The following ALDH1A1 variants were observed in gnomAD, a reference collection of about 807,000 sequenced individuals.
ALDH1A1 encodes the protein aldehyde dehydrogenase 1 family member A1.
ALDH1A1 carries 19 observed loss-of-function variants against 62.1 expected under a neutral mutation model. The ratio of observed to expected loss-of-function variants is 0.31; its 90% CI spans 0.21 to 0.45. ALDH1A1 has a LOEUF of 0.45. Ranked by LOEUF, ALDH1A1 falls within the 20% of genes least tolerant of loss-of-function variation. The pLI is 1.00. For missense variants in ALDH1A1, 521 were observed against 607.1 expected (o/e 0.86, Z 1.49); for synonymous variants, 231 against 215.9 (o/e 1.07, Z -0.61).
chr9:72,940,350 A>AATG, intron 1 of ALDH1A1, 98 bp from the exon 2 acceptor site: 1 of 816,814 alleles, frequency 1.2e-6, no homozygotes, highest in Non-Finnish European at 2.1e-6. Flanking sequence ...ACCATGCCTA[A>AATG]ATGATGCACA....
At chr9:72,925,016 A>C (rs965375227) in intron 6 of ALDH1A1, among the ~76,000 whole-genome samples, 1 of 152,240 alleles carries the variant, frequency 6.6e-6, no homozygotes. Context: ...TCCACTCATG[A>C]GTAGATTGAA....
At chr9:72,907,192 T>C (rs1829887836) in intron 11 of ALDH1A1, among the ~76,000 whole-genome samples, 1 of 152,214 alleles carries the variant, frequency 6.6e-6, no homozygotes, top group South Asian at 2.1e-4. Flanking sequence ...GGATAATTCC[T>C]TTAATAAATT....
At chr9:72,928,766 T>C (rs1830243080) in intron 4 of ALDH1A1, 126 bp downstream of exon 4, 1 of 1,108,934 alleles carries the variant, frequency 9.0e-7, no homozygotes, top group African/African-American at 1.6e-5. Context: ...TGTCTCAAAG[T>C]CAAGAGGAAA....
rs1830560615 is a variant in ALDH1A1, at chr9:72,953,015, C to CT, written c.-16dup. 6.2e-7 allele frequency: 1 copy of CT among 1,613,028 alleles called. No homozygotes were observed. The highest frequency in any genetic ancestry group is 1.7e-4 in the Middle Eastern group (1 of 6,054). ...GAGGATGACATTTCTGATTCGGCTC[C>CT]TGGAACACAGGTGACTGGCTCAGCA... On this transcript the variant is annotated 5_prime_UTR_variant, in exon 1 of 13. Coordinates refer to ENST00000297785, the MANE Select transcript of ALDH1A1 (RefSeq NM_000689.5).
intron 6 of ALDH1A1, 49 bp downstream of exon 6, chr9:72,925,435 A>G (rs1004892060): frequency 6.3e-7 from 1 of 1,598,278 alleles, no homozygotes; most frequent in African/African-American, 1.3e-5. Flanking sequence ...TCCTATTGTA[A>G]TTTAGGATTC....
intron 1 of ALDH1A1, among the ~76,000 whole-genome samples, chr9:72,944,343 A>G (rs942705431): frequency 6.6e-6 from 1 of 152,068 alleles, no homozygotes; most frequent in African/African-American, 2.4e-5. Context: ...CCACAAACAG[A>G]GGCGTTTCAG....
chr9:72,949,518 T>C (rs1462815948), intron 1 of ALDH1A1, among the ~76,000 whole-genome samples: 1 of 151,804 alleles, frequency 6.6e-6, no homozygotes, highest in Non-Finnish European at 1.5e-5. Flanking sequence ...TGTTCCTCAG[T>C]TCCCTGAACT....
chr9:72,942,251 T>C, intron 1 of ALDH1A1: 1 of 965,084 alleles, frequency 1.0e-6, no homozygotes, highest in Non-Finnish European at 1.2e-6. Flanking sequence ...TACAGCTTAG[T>C]ATTTTTCTTC....
chr9:72,922,317 G>A (rs1564630802), intron 7 of ALDH1A1, among the ~76,000 whole-genome samples: 4 of 152,182 alleles, frequency 2.6e-5, no homozygotes. Context: ...GAGGGGTAGA[G>A]TCAGAATTTA....
At chr9:72,918,320 A>C (rs2118512934) in intron 8 of ALDH1A1, among the ~76,000 whole-genome samples, 1 of 152,276 alleles carries the variant, frequency 6.6e-6, no homozygotes, top group Admixed American at 6.5e-5. Context: ...GTGAAGGGAG[A>C]GGGCAAATGT....
intron 1 of ALDH1A1, among the ~76,000 whole-genome samples, chr9:72,951,320 G>T (rs765741818): frequency 6.6e-6 from 1 of 151,758 alleles, no homozygotes; most frequent in Non-Finnish European, 1.5e-5. Flanking sequence ...CATCTCATTT[G>T]TCTAGTACCG....
chr9:72,944,143 A>G (rs1421423073), intron 1 of ALDH1A1, among the ~76,000 whole-genome samples: 3 of 152,054 alleles, frequency 2.0e-5, no homozygotes, highest in African/African-American at 7.2e-5. Flanking sequence ...ATAAAAAGGG[A>G]GAGAGACCAG....
chr9:72,923,965 T>G, intron 7 of ALDH1A1, 54 bp downstream of exon 7: 1 of 1,229,460 alleles, frequency 8.1e-7, no homozygotes, highest in Non-Finnish European at 1.2e-6. Flanking sequence ...AAAACATACT[T>G]CATAGCTGGC....
chr9:72,920,509 G>T (rs1195327914), intron 7 of ALDH1A1, among the ~76,000 whole-genome samples: 1 of 152,072 alleles, frequency 6.6e-6, no homozygotes, highest in Non-Finnish European at 1.5e-5. Flanking sequence ...TAGGTTTACG[G>T]AAGTAACTCC....
chr9:72,951,694 T>G (rs1198892762), intron 1 of ALDH1A1, among the ~76,000 whole-genome samples: 2 of 151,968 alleles, frequency 1.3e-5, no homozygotes, highest in Admixed American at 1.3e-4. Flanking sequence ...CTTTGCCAAA[T>G]GTAAATTGTT....
chr9:72,953,045 G>C lies in ALDH1A1; in HGVS notation c.-45C>G. ...ACACAGGTGACTGGCTCAGCAATTT[G>C]GTTCTGATAGAGCACTTGGCTTTAT... On this transcript the variant is annotated 5_prime_UTR_variant, in exon 1 of 13. Coordinates refer to ENST00000297785, the MANE Select transcript of ALDH1A1 (RefSeq NM_000689.5). The C allele has an allele frequency of 6.2e-7, 1 of 1,612,496 alleles. No individual in the cohort carries two copies. Among genetic ancestry groups the C allele is most frequent in the Non-Finnish European group, 8.5e-7 (1 of 1,178,962 alleles).
At chr9:72,923,465 C>T (rs1021366708) in intron 7 of ALDH1A1, among the ~76,000 whole-genome samples, 1 of 152,112 alleles carries the variant, frequency 6.6e-6, no homozygotes, top group Non-Finnish European at 1.5e-5. Context: ...CTAGTCTGCT[C>T]TCCCTCCTGC....
Position 72,924,055 on chromosome 9 carries a change from C to T in ALDH1A1, c.711G>A (p.Met237Ile). The change falls in exon 7 of 13, where the codon ATG becomes ATA. Residue 237 changes from methionine (M) to isoleucine (I), a missense_variant. Coordinates refer to ENST00000297785, the MANE Select transcript of ALDH1A1 (RefSeq NM_000689.5). ...PTAGAAISSH[M>I]DIDKVAFTGS... Reference sequence around the variant, plus strand: ...CTGTGAAGGCTACTTTGTCTATATCCATGTGAGAAGAAATGGCTGCCCCTG... The same window carrying T: ...CTGTGAAGGCTACTTTGTCTATATCTATGTGAGAAGAAATGGCTGCCCCTG... The T allele has an allele frequency of 6.2e-7, 1 of 1,613,054 alleles. No individual in the cohort carries two copies. The highest frequency in any genetic ancestry group is 8.5e-7 in the Non-Finnish European group (1 of 1,179,416).
chr9:72,913,659 G>A (rs1830020600), intron 9 of ALDH1A1, among the ~76,000 whole-genome samples: 1 of 152,176 alleles, frequency 6.6e-6, no homozygotes, highest in South Asian at 2.1e-4. Flanking sequence ...ATACATACTG[G>A]AGAAAAGGGC....
Sources: gnomAD v4.1 joint callset for allele counts (sites outside exome capture counted in the v4.1 genomes callset) on GRCh38, gnomAD v4.1.1 for gene constraint, MANE v1.5 for transcripts, NCBI Gene and HGNC (gene_info 2026-07-23, HGNC 2026-07-21) for gene names.